Variants in CCDC178 observed in about 807,000 individuals in gnomAD.
CCDC178 encodes coiled-coil domain-containing protein 178.
A neutral mutation model predicts 117.4 loss-of-function variants in CCDC178; 126 were observed. That is an observed-to-expected ratio of 1.07 (90% confidence interval 0.93 to 1.24). The LOEUF (loss-of-function observed/expected upper bound fraction) is 1.24, where lower values mean the gene tolerates loss of function less well. CCDC178 is among the 50% of genes most tolerant of loss of function. The pLI, the probability that CCDC178 is intolerant of heterozygous loss-of-function variation, is 0.00. For missense variants in CCDC178, 1,030 were observed against 986.9 expected, an observed-to-expected ratio of 1.04 and a Z score of -0.59; for synonymous variants, 283 against 313.4, an observed-to-expected ratio of 0.90 and a Z score of 1.02.
chr18:33,080,985 G>A (rs921220160), intron 21 of CCDC178, among the ~76,000 whole-genome samples: 3 of 152,018 alleles, frequency 2.0e-5, no homozygotes, highest in African/African-American at 4.8e-5. Context: ...GCCCATAAAA[G>A]GAAAAAGAAA....
At chr18:33,124,897 T>A (rs1018717590) in intron 20 of CCDC178, among the ~76,000 whole-genome samples, 1 of 152,206 alleles carries the variant, frequency 6.6e-6, no homozygotes, top group Non-Finnish European at 1.5e-5. Flanking sequence ...CCTGTAAGCA[T>A]GTGCATTGGT....
chr18:32,978,468 G>C (rs1260299729), intron 21 of CCDC178, among the ~76,000 whole-genome samples: 2 of 151,924 alleles, frequency 1.3e-5, no homozygotes, highest in African/African-American at 4.8e-5. Context: ...TTAGGAAAGT[G>C]ATTATGAAAA....
chr18:33,075,214 C>T lies in CCDC178; in HGVS notation c.2388+17547G>A, dbSNP rs575493881. On this transcript the variant is annotated intron_variant, in intron 21 of 22. Coordinates refer to ENST00000383096, the MANE Select transcript of CCDC178 (RefSeq NM_001105528.4). ...ACTCCCCTAGTATCACTGTGTATAA[C>T]CTACTATCACTGTGTATAATCAATC... Among the ~76,000 whole-genome samples, 32 of 152,208 alleles carry T rather than the reference C, an allele frequency of 2.1e-4. No individual in the cohort carries two copies. The South Asian group carries it at 6.4e-3, about 31-fold the overall frequency.
intron 15 of CCDC178, among the ~76,000 whole-genome samples, chr18:33,230,012 G>C (rs753560616): frequency 1.3e-5 from 2 of 152,158 alleles, no homozygotes; most frequent in Non-Finnish European, 2.9e-5. Flanking sequence ...AAGAACTATA[G>C]TGTGGTCTGC....
intron 9 of CCDC178, among the ~76,000 whole-genome samples, chr18:33,343,962 G>A (rs923065481): frequency 3.9e-5 from 6 of 152,040 alleles, no homozygotes; most frequent in Non-Finnish European, 5.9e-5. Context: ...GAAGATTCCC[G>A]AGAACACATT....
At chr18:33,398,230 A>T (rs1251246887) in intron 3 of CCDC178, among the ~76,000 whole-genome samples, 1 of 152,080 alleles carries the variant, frequency 6.6e-6, no homozygotes, top group African/African-American at 2.4e-5. Context: ...GATCAATGAA[A>T]AGAAACAGTT....
intron 21 of CCDC178, among the ~76,000 whole-genome samples, chr18:32,985,987 G>A (rs527445404): frequency 2.0e-5 from 3 of 152,094 alleles, no homozygotes; most frequent in Admixed American, 2.0e-4. Context: ...TCTTAATATA[G>A]AAAGATATTT....
intron 22 of CCDC178, among the ~76,000 whole-genome samples, chr18:32,965,791 C>A (rs376314466): frequency 6.6e-6 from 1 of 151,166 alleles, no homozygotes; most frequent in Non-Finnish European, 1.5e-5. Context: ...AGCATGATGA[C>A]GGAAAACAAA....
At chr18:32,987,543 A>G (rs2055289244) in intron 21 of CCDC178, among the ~76,000 whole-genome samples, 1 of 152,178 alleles carries the variant, frequency 6.6e-6, no homozygotes, top group Non-Finnish European at 1.5e-5. Context: ...GTGTACATAC[A>G]GATATACATG....
intron 2 of CCDC178, among the ~76,000 whole-genome samples, chr18:33,422,806 A>G (rs770544662): frequency 1.3e-5 from 2 of 152,218 alleles, no homozygotes; most frequent in Non-Finnish European, 2.9e-5. Flanking sequence ...CAGTCTGTTT[A>G]TAATCCTACA....
chr18:33,292,204 T>C (rs2060174391), intron 12 of CCDC178, among the ~76,000 whole-genome samples: 1 of 152,080 alleles, frequency 6.6e-6, no homozygotes, highest in South Asian at 2.1e-4. Flanking sequence ...GATGAGTAGA[T>C]AAGAAAATGT....
At chr18:33,296,035 A>T (rs2062102468) in intron 11 of CCDC178, among the ~76,000 whole-genome samples, 1 of 152,122 alleles carries the variant, frequency 6.6e-6, no homozygotes. Flanking sequence ...AACAAACTAA[A>T]TGTCCCTCAA....
At chr18:33,176,071 C>G (rs1262496093) in intron 20 of CCDC178, among the ~76,000 whole-genome samples, 1 of 152,058 alleles carries the variant, frequency 6.6e-6, no homozygotes, top group Admixed American at 6.6e-5. Flanking sequence ...TCCACACACC[C>G]CCTCCTCCAG....
intron 2 of CCDC178, among the ~76,000 whole-genome samples, chr18:33,423,325 T>C (rs908038957): frequency 7.2e-5 from 11 of 152,248 alleles, no homozygotes; most frequent in African/African-American, 2.6e-4. Context: ...TACTGTGTAG[T>C]GTTGGGTTAG....
intron 21 of CCDC178, among the ~76,000 whole-genome samples, chr18:32,992,455 A>G (rs1195569191): frequency 3.3e-5 from 5 of 152,224 alleles, no homozygotes; most frequent in Non-Finnish European, 7.3e-5. Context: ...GATGCTTTGA[A>G]AGTAAGTAAA....
chr18:33,395,687 A>G (rs767789297), intron 4 of CCDC178, among the ~76,000 whole-genome samples: 1 of 152,124 alleles, frequency 6.6e-6, no homozygotes, highest in Non-Finnish European at 1.5e-5. Flanking sequence ...AAGCAAAAAC[A>G]TGTATACTCT....
At chr18:33,056,635 T>C (rs2056834845) in intron 21 of CCDC178, among the ~76,000 whole-genome samples, 1 of 152,182 alleles carries the variant, frequency 6.6e-6, no homozygotes, top group South Asian at 2.1e-4. Context: ...GAAACTGGCA[T>C]AGATTCAGAA....
At chr18:33,312,883 A>G (rs1047712647) in intron 11 of CCDC178, among the ~76,000 whole-genome samples, 2 of 152,134 alleles carry the variant, frequency 1.3e-5, no homozygotes, top group African/African-American at 4.8e-5. Context: ...CACTTATCTC[A>G]CAACCACTTA....
chr18:32,974,527 A>G lies in CCDC178; in HGVS notation c.2523+20T>C, dbSNP rs751052765. On this transcript the variant is annotated intron_variant, in intron 22 of 22. Transcript: ENST00000383096. ...AATCTAGATCAGAATGATCTTTCCT[A>G]CTTCCCTGCAATCACCTACCTGCAC... The G allele has an allele frequency of 4.3e-6, 7 of 1,610,406 alleles. No individual in the cohort carries two copies. In the African/African-American group the frequency reaches 8.0e-5, roughly 18 times the overall value.
Sources: gnomAD v4.1 joint callset for allele counts (sites outside exome capture counted in the v4.1 genomes callset) on GRCh38, gnomAD v4.1.1 for gene constraint, MANE v1.5 for transcripts, NCBI Gene and HGNC (gene_info 2026-07-23, HGNC 2026-07-21) for gene names.